TEX10: variants seen among roughly 807,000 people sequenced by gnomAD.
The protein encoded by TEX10 is testis expressed 10, also known as testis-expressed protein 10.
In TEX10, 24 loss-of-function variants were observed where a neutral mutation model predicts 104.4. That is an observed-to-expected ratio of 0.23 (90% CI 0.17 to 0.32). The LOEUF (loss-of-function observed/expected upper bound fraction) is 0.32. Among genes scored for constraint, TEX10 ranks in the 10% least tolerant of loss-of-function variants. The probability of loss-of-function intolerance (pLI) is 1.00; values close to 1 mark genes in which losing one functional copy is unlikely to be tolerated. For missense variants in TEX10, 921 were observed against 1,083.9 expected, an observed-to-expected ratio of 0.85 and a Z score of 2.11; for synonymous variants, 396 against 393.4, an observed-to-expected ratio of 1.01 and a Z score of -0.08.
chr9:100,308,696 A>ACGAG lies in TEX10; in HGVS notation c.2284-19_2284-16dup. On this transcript the variant is annotated splice_polypyrimidine_tract_variant and intron_variant, in intron 12 of 14. Transcript: ENST00000374902. ...GTCAACCCAACCTAAGCAGAGAAAA[A>ACGAG]CGAGATTAATCACCTCTTCATAACA... The ACGAG allele has an allele frequency of 6.4e-7, 1 of 1,570,850 alleles. No homozygotes were observed. The highest frequency in any genetic ancestry group is 8.6e-7 in the Non-Finnish European group (1 of 1,161,214).
chr9:100,312,564 C>G (rs578140033), intron 11 of TEX10, among the ~76,000 whole-genome samples: 11 of 152,186 alleles, frequency 7.2e-5, no homozygotes, highest in Non-Finnish European at 1.6e-4. Flanking sequence ...GCAATAAGCA[C>G]ACCTAAATTC....
chr9:100,341,704 C>T (rs534956433), intron 4 of TEX10, among the ~76,000 whole-genome samples: 1 of 152,248 alleles, frequency 6.6e-6, no homozygotes, highest in East Asian at 1.9e-4. Flanking sequence ...ATTCCCCACA[C>T]AGCAGCCAGG....
chr9:100,304,721 G>A (rs1223126027), intron 13 of TEX10: 1 of 152,208 alleles, frequency 6.6e-6, no homozygotes, highest in Non-Finnish European at 1.5e-5. Context: ...AGCCAGGCAT[G>A]GTGGCACGCG....
intron 14 of TEX10, 128 bp downstream of exon 14, chr9:100,303,504 T>C: frequency 1.2e-6 from 1 of 851,120 alleles, no homozygotes; most frequent in Non-Finnish European, 1.9e-6. Context: ...AACTACCATA[T>C]TGGGATTAAT....
chr9:100,308,710 C>G lies in TEX10; in HGVS notation c.2284-29G>C, dbSNP rs760397314. 3 of 1,522,062 alleles carry G rather than the reference C, an allele frequency of 2.0e-6. No individual in the cohort carries two copies. In the East Asian group the frequency reaches 7.1e-5, roughly 36 times the overall value. 94.3% of individuals were successfully genotyped at this position (1,522,062 alleles called of 1,614,324 possible). A position where few individuals can be genotyped will look rare whatever the true frequency, so the allele number is the denominator to read the frequency against. On this transcript the variant is annotated intron_variant, in intron 12 of 14. Coordinates refer to ENST00000374902, the MANE Select transcript of TEX10 (RefSeq NM_017746.4). Reference sequence around the variant, plus strand: ...AGCAGAGAAAAACGAGATTAATCACCTCTTCATAACAGACCCGCTCCTCCA... The same window carrying G: ...AGCAGAGAAAAACGAGATTAATCACGTCTTCATAACAGACCCGCTCCTCCA...
At chr9:100,341,194 G>A (rs952303439) in intron 4 of TEX10, among the ~76,000 whole-genome samples, 8 of 152,136 alleles carry the variant, frequency 5.3e-5, no homozygotes, top group African/African-American at 9.7e-5. Context: ...TTCAACTGCT[G>A]ACCTCAAGTG....
intron 4 of TEX10, among the ~76,000 whole-genome samples, chr9:100,340,892 C>T (rs909582059): frequency 1.9e-4 from 29 of 152,078 alleles, no homozygotes; most frequent in African/African-American, 7.0e-4. Flanking sequence ...ACCAACCATC[C>T]CATTTTGTCA....
intron 4 of TEX10, among the ~76,000 whole-genome samples, chr9:100,345,135 A>C (rs979952015): frequency 3.3e-5 from 5 of 152,222 alleles, no homozygotes; most frequent in Non-Finnish European, 7.3e-5. Flanking sequence ...CAATGTATGC[A>C]ATGAATCATA....
chr9:100,338,442 G>T (rs1051426670), intron 5 of TEX10, among the ~76,000 whole-genome samples: 25 of 152,298 alleles, frequency 1.6e-4, no homozygotes, highest in African/African-American at 4.8e-4. Flanking sequence ...CTTCTGAGAG[G>T]TTAGAGTTTT....
intron 1 of TEX10, 141 bp downstream of exon 1, chr9:100,352,631 A>T (rs1317386825): frequency 1.0e-5 from 15 of 1,462,586 alleles, no homozygotes; most frequent in Non-Finnish European, 1.4e-5. Context: ...GCTCGGAGGG[A>T]CGCCGCGGCC....
In TEX10 at chr9:100,303,729, A is replaced by C. The variant is rs575283214; in HGVS notation, c.2579T>G (p.Val860Gly). 1 of 1,614,154 alleles carries C rather than the reference A, an allele frequency of 6.2e-7. No individual in the cohort carries two copies. Among genetic ancestry groups the C allele is most frequent in the Admixed American group, 1.7e-5 (1 of 60,032 alleles). ...AAGCAGCAGTCGAAGCAGCTGGCCC[A>C]CAACAGGCAGCTCCTCAGGCCCAAC... ...NRVGPEELPV[V>G]GQLLRLLLQH... Residue 860 changes from valine (V) to glycine (G), a missense_variant, in exon 14 of 15, where the codon GTG (valine) becomes GGG (glycine). This residue lies in a region of TEX10 where 753 missense variants were observed against 868.4 expected (regional missense o/e 0.87). Transcript: ENST00000374902.
Position 100,329,990 on chromosome 9 carries a change from T to C in TEX10, c.1430A>G (p.Lys477Arg). The C allele has an allele frequency of 6.2e-7, 1 of 1,614,152 alleles. No individual in the cohort carries two copies. Among genetic ancestry groups the C allele is most frequent in the South Asian group, 1.1e-5 (1 of 91,074 alleles). Residue 477 changes from lysine to arginine, a missense_variant, in exon 6 of 15, where the codon AAG (lysine) becomes AGG (arginine). Lys to Arg is a conservative substitution (Grantham distance 26). Coordinates refer to ENST00000374902, the MANE Select transcript of TEX10 (RefSeq NM_017746.4). ...TACTCCCAGCAATCTGTTCAGTTGCTTACTATTTAGCCTAGAGCCATCTTC... is the reference window on the plus strand; with the variant it reads ...TACTCCCAGCAATCTGTTCAGTTGCCTACTATTTAGCCTAGAGCCATCTTC... ...TLEDGSRLNSKQLNRLLGVSW... is the reference protein window; with the variant it reads ...TLEDGSRLNSRQLNRLLGVSW...
At chr9:100,343,687 A>G in intron 4 of TEX10, among the ~76,000 whole-genome samples, 1 of 152,230 alleles carries the variant, frequency 6.6e-6, no homozygotes, top group East Asian at 1.9e-4. Context: ...CTGCAGCACC[A>G]ACATGTAAAA....
chr9:100,312,177 A>G (rs1834298977), intron 11 of TEX10, among the ~76,000 whole-genome samples: 1 of 152,248 alleles, frequency 6.6e-6, no homozygotes, highest in African/African-American at 2.4e-5. Flanking sequence ...AAAAGTGCAC[A>G]TTCAATAATG....
At chr9:100,339,889 T>C (rs1266711424) in intron 5 of TEX10, among the ~76,000 whole-genome samples, 1 of 152,092 alleles carries the variant, frequency 6.6e-6, no homozygotes, top group Non-Finnish European at 1.5e-5. Context: ...GTTCCTCATG[T>C]ATAAATGAGA....
At chr9:100,352,313 C>A in intron 1 of TEX10, 1 of 1,539,020 alleles carries the variant, frequency 6.5e-7, no homozygotes, top group Admixed American at 2.0e-5. Context: ...TAGTCCCCTT[C>A]CGCTCGCTTA....
intron 13 of TEX10, chr9:100,304,935 A>C (rs1834108033): frequency 2.0e-5 from 3 of 152,208 alleles, no homozygotes; most frequent in South Asian, 4.1e-4. Flanking sequence ...AAAAAATGAC[A>C]AGTGGGCCCT....
At chr9:100,339,274 A>AATATAT (rs1835101688) in intron 5 of TEX10, among the ~76,000 whole-genome samples, 1 of 91,702 alleles carries the variant, frequency 1.1e-5, no homozygotes, top group African/African-American at 4.6e-5. Flanking sequence ...AAAAAAAAAA[A>AATATAT]GTATATATAT....
intron 9 of TEX10, among the ~76,000 whole-genome samples, chr9:100,324,879 G>A (rs1834663191): frequency 1.3e-5 from 2 of 152,028 alleles, no homozygotes; most frequent in African/African-American, 4.8e-5. Context: ...AAAAGGCCTA[G>A]CATTTTGCTT....
Sources: allele counts gnomAD v4.1 joint callset (sites outside exome capture counted in the v4.1 genomes callset), GRCh38; gene constraint gnomAD v4.1.1; regional missense constraint gnomAD v4.1.1; transcripts MANE v1.5; gene names NCBI Gene and HGNC (gene_info 2026-07-23, HGNC 2026-07-21).